Variants in ZHX3 observed in about 807,000 individuals in gnomAD.
ZHX3 encodes zinc fingers and homeoboxes 3.
Under a neutral mutation model 64.5 loss-of-function variants are expected in ZHX3, and 20 were observed. The ratio of observed to expected loss-of-function variants is 0.31; its 90% CI spans 0.22 to 0.45. The LOEUF (loss-of-function observed/expected upper bound fraction) is 0.45. Ranked by LOEUF, ZHX3 falls within the 20% of genes least tolerant of loss-of-function variation. The probability of loss-of-function intolerance (pLI) is 1.00; values close to 1 mark genes in which losing one functional copy is unlikely to be tolerated. For missense variants in ZHX3, 1,041 were observed against 1,195.8 expected (o/e 0.87, Z 1.91); for synonymous variants, 423 against 461.6 (o/e 0.92, Z 1.07).
At position 41,226,956 on chromosome 20, in the gene ZHX3, T is replaced by A. The variant is rs1391535960; in HGVS notation, c.-150-21890A>T. Among the ~76,000 whole-genome samples, 1 of 152,190 alleles carries A rather than the reference T, an allele frequency of 6.6e-6. No homozygotes were observed. Among genetic ancestry groups the A allele is most frequent in the Non-Finnish European group, 1.5e-5 (1 of 68,028 alleles). On this transcript the variant is annotated intron_variant, in intron 2 of 3. Transcript: ENST00000683867. This position sits in a 1 kb window ranked among gnomAD's most constrained non-coding sequence, Gnocchi z 4.4. ...CCAGGACAGTTTCTAAAATGTTTCC[T>A]TTATGAGTACTGTTTTGAATGCTGT... is the stretch of plus-strand genomic sequence containing the variant.
At position 41,202,957 on chromosome 20, in the gene ZHX3, G is replaced by A. The variant is rs1216531405; in HGVS notation, c.1960C>T (p.Arg654Ter). 4 of 1,613,898 alleles carry A rather than the reference G, an allele frequency of 2.5e-6. No homozygotes were observed. The highest frequency in any genetic ancestry group is 2.5e-6 in the Non-Finnish European group (3 of 1,180,006). Residue 654 changes from arginine to a stop codon, truncating the protein, a stop_gained, in exon 3 of 4, where the codon CGA becomes TGA. Coordinates refer to ENST00000683867, the MANE Select transcript of ZHX3 (RefSeq NM_001384317.1). LOFTEE classifies it high-confidence loss of function. This position sits in a 1 kb window ranked among gnomAD's most constrained non-coding sequence, Gnocchi z 7.0. Reference protein sequence around the residue: ...RLRSETKMTRREIDSWFSERR... With the variant: ...RLRSETKMTR ...TCTGAAAACCAGCTATCAATTTCTC[G>A]TCGGGTCATTTTGGTTTCACTTCTC...
intron 2 of ZHX3, among the ~76,000 whole-genome samples, chr20:41,223,019 A>T (rs981735745): frequency 6.6e-6 from 1 of 152,148 alleles, no homozygotes; most frequent in African/African-American, 2.4e-5. Context: ...ATTTTCTTCA[A>T]TGGCCTCACT....
chr20:41,249,239 A>T (rs564332336), intron 2 of ZHX3, among the ~76,000 whole-genome samples: 4 of 126,422 alleles, frequency 3.2e-5, no homozygotes, highest in African/African-American at 1.0e-4. Flanking sequence ...TTGTTCACAT[A>T]AAAAAAAAAA....
At chr20:41,190,358 A>C (rs1424670062) in intron 3 of ZHX3, among the ~76,000 whole-genome samples, 1 of 152,056 alleles carries the variant, frequency 6.6e-6, no homozygotes, top group Non-Finnish European at 1.5e-5. Context: ...ATTTTTAGAG[A>C]TAGGGTTTCA....
chr20:41,186,416 C>T (rs181906064), intron 3 of ZHX3, among the ~76,000 whole-genome samples: 225 of 152,338 alleles, frequency 1.5e-3, no homozygotes, highest in Admixed American at 5.2e-3. Flanking sequence ...GTACTTGTTT[C>T]CGCCTTTTGG....
intron 2 of ZHX3, among the ~76,000 whole-genome samples, chr20:41,225,135 T>C (rs1484753353): frequency 6.6e-6 from 1 of 152,236 alleles, no homozygotes; most frequent in Non-Finnish European, 1.5e-5. Flanking sequence ...CTGTGGACTG[T>C]GTATTCCTGG....
At position 41,202,182 on chromosome 20, in the gene ZHX3, A is replaced by C. The variant is rs2038281490; in HGVS notation, c.2735T>G (p.Val912Gly). 1 of 1,613,958 alleles carries C rather than the reference A, an allele frequency of 6.2e-7. No homozygotes were observed. Among genetic ancestry groups the C allele is most frequent in the Non-Finnish European group, 8.5e-7 (1 of 1,180,010 alleles). The change falls in exon 3 of 4, where the codon GTT becomes GGT. Residue 912 changes from valine (V) to glycine (G), a missense_variant. Transcript: ENST00000683867. This position sits in a 1 kb window ranked among gnomAD's most constrained non-coding sequence, Gnocchi z 7.0. ...ATAGGTGTCACCCATCCCTTTGTGA[A>C]CTGCTGTGAGCTCACCAGTACCAGG... ...QGPGTGELTA[V>G]HKGMGDTYSE...
Position 41,275,177 on chromosome 20 carries a change from T to C in ZHX3, c.-244-6094A>G, listed in dbSNP as rs138433613. Among the ~76,000 whole-genome samples, 86 of 151,780 alleles carry C rather than the reference T, an allele frequency of 5.7e-4. No homozygotes were observed. The East Asian group carries it at 0.016, about 28-fold the overall frequency. On this transcript the variant is annotated intron_variant, in intron 1 of 3. Coordinates refer to ENST00000683867, the MANE Select transcript of ZHX3 (RefSeq NM_001384317.1). The stretch of plus-strand genomic sequence containing the variant: ...CCGTCTCAAAAAAAAAGAAAAGAAA[T>C]AATCAAACTGTTTATAAATACCTTC...
intron 1 of ZHX3, among the ~76,000 whole-genome samples, chr20:41,290,031 A>G (rs1412149920): frequency 6.6e-6 from 1 of 152,246 alleles, no homozygotes; most frequent in African/African-American, 2.4e-5. Flanking sequence ...TTCATGTTTG[A>G]CAAAGTTCCA....
intron 2 of ZHX3, among the ~76,000 whole-genome samples, chr20:41,265,713 A>G (rs1464516236): frequency 6.6e-6 from 1 of 152,200 alleles, no homozygotes; most frequent in Admixed American, 6.5e-5. Context: ...TTTAATGTGT[A>G]GCCAAGTAGA....
chr20:41,229,827 G>T (rs745517615), intron 2 of ZHX3, among the ~76,000 whole-genome samples: 33 of 152,096 alleles, frequency 2.2e-4, no homozygotes, highest in Admixed American at 3.9e-4. Context: ...TAGATATATG[G>T]TTTGCAAGTG....
At chr20:41,205,244 C>G (rs1052830068) in intron 2 of ZHX3, among the ~76,000 whole-genome samples, 178 bp from the exon 3 acceptor site, 1 of 151,962 alleles carries the variant, frequency 6.6e-6, no homozygotes, top group Non-Finnish European at 1.5e-5. Flanking sequence ...AAAACTGGAC[C>G]CTGAAGAATG....
chr20:41,257,195 G>A lies in ZHX3; in HGVS notation c.-151+11795C>T, dbSNP rs1479044377. ...CATCTTGGCCTCAGCAGCAAACACT[G>A]AGGCAACATCTTCAGAGAACTTAAG... On this transcript the variant is annotated intron_variant, in intron 2 of 3. Coordinates refer to ENST00000683867, the MANE Select transcript of ZHX3 (RefSeq NM_001384317.1). Among the ~76,000 whole-genome samples the A allele has an allele frequency of 2.0e-5, 3 of 152,206 alleles. No homozygotes were observed. The East Asian group carries it at 5.8e-4, about 29-fold the overall frequency.
At chr20:41,263,381 G>A (rs2042660089) in intron 2 of ZHX3, among the ~76,000 whole-genome samples, 2 of 145,640 alleles carry the variant, frequency 1.4e-5, no homozygotes, top group Admixed American at 1.4e-4. Flanking sequence ...GAAACAAACA[G>A]AAGCATTAGA....
chr20:41,231,919 A>C (rs1436836487), intron 2 of ZHX3, among the ~76,000 whole-genome samples: 1 of 152,240 alleles, frequency 6.6e-6, no homozygotes, highest in Non-Finnish European at 1.5e-5. Flanking sequence ...AAAAGATGGT[A>C]AAGCACCTCC....
chr20:41,201,261 A>C lies in ZHX3; in HGVS notation c.2860+796T>G. ...AACCCCCAATCCCTTCAGCTTCTAC[A>C]ATACTCCGCCCTCCTGGCTCTCACC... is the stretch of plus-strand genomic sequence containing the variant. On this transcript the variant is annotated intron_variant, in intron 3 of 3. Transcript: ENST00000683867. This position sits in a 1 kb window ranked among gnomAD's most constrained non-coding sequence, Gnocchi z 5.0. The C allele has an allele frequency of 5.4e-4, 690 of 1,282,798 alleles. No homozygotes were observed. Among genetic ancestry groups the C allele is most frequent in the Non-Finnish European group, 6.5e-4 (640 of 979,172 alleles). 79.5% of individuals were successfully genotyped at this position (1,282,798 alleles called of 1,614,324 possible).
chr20:41,207,484 A>T (rs922778950), intron 2 of ZHX3, among the ~76,000 whole-genome samples: 2 of 152,210 alleles, frequency 1.3e-5, no homozygotes, highest in South Asian at 2.1e-4. Flanking sequence ...CAGAAATTAT[A>T]ATAAACTGTC....
rs1217833431 is a variant in ZHX3 at position 41,204,549 on chromosome 20, C to A, written c.368G>T (p.Gly123Val). The change falls in exon 3 of 4, where the codon GGG (glycine) becomes GTG (valine). Residue 123 changes from glycine to valine, a missense_variant. Coordinates refer to ENST00000683867, the MANE Select transcript of ZHX3 (RefSeq NM_001384317.1). The surrounding 1 kb of genome is among the most constrained non-coding windows in gnomAD (Gnocchi z 6.6). ...ACATGTGGCATTGTGCAAGGAAAGC[C>A]CCTCAGGGGTTTTTGCCAGAAAACT... is the stretch of plus-strand genomic sequence containing the variant. ...GCSFLAKTPE[G>V]LSLHNATCHS... 2.5e-6 allele frequency: 4 copies of A among 1,614,030 alleles called. No homozygotes were observed. The highest frequency in any genetic ancestry group is 2.5e-6 in the Non-Finnish European group (3 of 1,180,042).
chr20:41,201,813 T>C lies in ZHX3; in HGVS notation c.2860+244A>G, dbSNP rs1462072423. 6.6e-6 allele frequency among the ~76,000 whole-genome samples: 1 copy of C among 152,204 alleles called. No homozygotes were observed. The highest frequency in any genetic ancestry group is 1.9e-4 in the East Asian group (1 of 5,196). ...AGCTTGGACCCCTTTAGGGTCACCATGTTCCTTCCCCTGCGCAGGTTTTTA... is the reference window on the plus strand; with the variant it reads ...AGCTTGGACCCCTTTAGGGTCACCACGTTCCTTCCCCTGCGCAGGTTTTTA... On this transcript the variant is annotated intron_variant, in intron 3 of 3. Coordinates refer to ENST00000683867, the MANE Select transcript of ZHX3 (RefSeq NM_001384317.1). This position sits in a 1 kb window ranked among gnomAD's most constrained non-coding sequence, Gnocchi z 5.0.
Sources: gnomAD v4.1 joint callset for allele counts (sites outside exome capture counted in the v4.1 genomes callset) on GRCh38, gnomAD v4.1.1 for gene constraint, Gnocchi (gnomAD v3.1) non-coding constraint, MANE v1.5 for transcripts, NCBI Gene and HGNC (gene_info 2026-07-23, HGNC 2026-07-21) for gene names.